DIP2B: variants seen among roughly 807,000 people sequenced by gnomAD.
DIP2B encodes disco-interacting protein 2 homolog B.
In DIP2B, 76 loss-of-function variants were observed where a neutral mutation model predicts 198.0. The observed-to-expected ratio is 0.38, with a 90% CI of 0.32 to 0.46. The LOEUF (loss-of-function observed/expected upper bound fraction) is 0.46. Ranked by LOEUF, DIP2B falls within the 20% of genes least tolerant of loss-of-function variation. The probability of loss-of-function intolerance (pLI) is 0.99; values close to 1 mark genes in which losing one functional copy is unlikely to be tolerated. For missense variants in DIP2B, 1,559 were observed against 1,978.4 expected, an observed-to-expected ratio of 0.79 and a Z score of 4.02; for synonymous variants, 701 against 739.1, an observed-to-expected ratio of 0.95 and a Z score of 0.84.
At chr12:50,511,289 C>CTTTTTTTTTTTTTTTT (rs1316212138) in intron 1 of DIP2B, among the ~76,000 whole-genome samples, 3 of 20,936 alleles carry the variant, frequency 1.4e-4, no homozygotes, top group African/African-American at 2.6e-4. Flanking sequence ...AGTGTGATTT[C>CTTTTTTTTTTTTTTTT]TATTTTTTTT....
In DIP2B at chr12:50,559,870, A is replaced by G. The variant is rs544353427; in HGVS notation, c.100+54630A>G. 3.3e-5 allele frequency among the ~76,000 whole-genome samples: 5 copies of G among 152,310 alleles called. 1 individual carries two copies. Among genetic ancestry groups the G allele is most frequent in the South Asian group, 2.1e-4 (1 of 4,828 alleles). Reference sequence around the variant, plus strand: ...CCCTTGTAGAGGGGTGAAATGTAGCACACCAAATTTAATACAACCGTTGTT... The same window carrying G: ...CCCTTGTAGAGGGGTGAAATGTAGCGCACCAAATTTAATACAACCGTTGTT... On this transcript the variant is annotated intron_variant, in intron 1 of 37. Coordinates refer to ENST00000301180, the MANE Select transcript of DIP2B (RefSeq NM_173602.3).
At chr12:50,520,729 T>C (rs1008472847) in intron 1 of DIP2B, among the ~76,000 whole-genome samples, 1 of 152,232 alleles carries the variant, frequency 6.6e-6, no homozygotes, top group African/African-American at 2.4e-5. Context: ...TGCATAAATA[T>C]TCTCATCTCC....
intron 1 of DIP2B, among the ~76,000 whole-genome samples, chr12:50,597,657 T>C (rs1356953744): frequency 6.6e-6 from 1 of 152,174 alleles, no homozygotes; most frequent in Non-Finnish European, 1.5e-5. Flanking sequence ...TGAGGGTGGC[T>C]CATGCACATT....
intron 1 of DIP2B, among the ~76,000 whole-genome samples, chr12:50,544,948 A>G (rs1958363195): frequency 6.6e-6 from 1 of 152,010 alleles, no homozygotes; most frequent in South Asian, 2.1e-4. Context: ...GAGTAGTACC[A>G]GGTGTGGTTT....
chr12:50,566,691 T>C lies in DIP2B; in HGVS notation c.101-59285T>C, dbSNP rs527689167. Among the ~76,000 whole-genome samples the C allele has an allele frequency of 7.2e-5, 11 of 152,194 alleles. No individual in the cohort carries two copies. The South Asian group carries it at 8.3e-4, about 11-fold the overall frequency. ...TGTTCTTGAAATTGAATCATATGGC[T>C]GGGCGCAGTGGCTCACACCTATAAT... On this transcript the variant is annotated intron_variant, in intron 1 of 37. Transcript: ENST00000301180.
At chr12:50,597,137 A>C (rs901893416) in intron 1 of DIP2B, among the ~76,000 whole-genome samples, 2 of 152,200 alleles carry the variant, frequency 1.3e-5, no homozygotes, top group Non-Finnish European at 2.9e-5. Flanking sequence ...TCCACTACAC[A>C]AACTCTTCTG....
intron 1 of DIP2B, among the ~76,000 whole-genome samples, chr12:50,508,291 A>G (rs911675749): frequency 1.3e-5 from 2 of 152,212 alleles, no homozygotes; most frequent in African/African-American, 4.8e-5. Flanking sequence ...TATTTCTGTG[A>G]CTGAAATTTT....
chr12:50,557,001 C>T (rs1052622970), intron 1 of DIP2B, among the ~76,000 whole-genome samples: 7 of 152,072 alleles, frequency 4.6e-5, no homozygotes, highest in Non-Finnish European at 7.3e-5. Context: ...TGAGTCACCG[C>T]GCCCGGTGCA....
chr12:50,570,406 G>A (rs947802743), intron 1 of DIP2B, among the ~76,000 whole-genome samples: 1 of 152,184 alleles, frequency 6.6e-6, no homozygotes, highest in African/African-American at 2.4e-5. Flanking sequence ...ACATTTTGGT[G>A]TATAAAGATA....
chr12:50,717,268 T>G (rs546445543), intron 23 of DIP2B, among the ~76,000 whole-genome samples: 2 of 145,018 alleles, frequency 1.4e-5, no homozygotes, highest in African/African-American at 5.1e-5. Flanking sequence ...TTTCCCTGAG[T>G]TTTTTGTTCG....
intron 1 of DIP2B, among the ~76,000 whole-genome samples, chr12:50,520,476 C>T (rs1958107633): frequency 6.6e-6 from 1 of 152,154 alleles, no homozygotes. Flanking sequence ...TATTTGACTT[C>T]CTCTCTGGTT....
At chr12:50,649,080 T>C (rs1938407989) in intron 3 of DIP2B, among the ~76,000 whole-genome samples, 1 of 152,144 alleles carries the variant, frequency 6.6e-6, no homozygotes, top group South Asian at 2.1e-4. Flanking sequence ...AAAAAAACTT[T>C]AAAACCCTGA....
chr12:50,744,326 A>G (rs1940309672), intron 37 of DIP2B, among the ~76,000 whole-genome samples: 1 of 152,018 alleles, frequency 6.6e-6, no homozygotes, highest in African/African-American at 2.4e-5. Flanking sequence ...TCCACTTTCA[A>G]ACTCCCAGGA....
intron 2 of DIP2B, among the ~76,000 whole-genome samples, chr12:50,637,299 C>T (rs573423169): frequency 2.4e-4 from 36 of 152,318 alleles, no homozygotes; most frequent in African/African-American, 7.0e-4. Flanking sequence ...GCTGCCCACT[C>T]GGCTTAGGAC....
chr12:50,722,322 C>T (rs1289830412), intron 26 of DIP2B, among the ~76,000 whole-genome samples: 3 of 151,222 alleles, frequency 2.0e-5, no homozygotes, highest in Non-Finnish European at 4.4e-5. Context: ...CCTTGCTCTG[C>T]CACCCACTGC....
intron 1 of DIP2B, among the ~76,000 whole-genome samples, chr12:50,578,353 G>T (rs12312308): frequency 0.072 from 5,960 of 82,496 alleles, 387 homozygotes; most frequent in African/African-American, 0.2. Context: ...TCTTTTTTTT[G>T]TTTGTTTGTT....
intron 1 of DIP2B, among the ~76,000 whole-genome samples, chr12:50,615,599 A>G (rs1361530993): frequency 6.6e-6 from 1 of 152,160 alleles, no homozygotes; most frequent in Non-Finnish European, 1.5e-5. Flanking sequence ...TTTTCTAGAT[A>G]ATCCTTTTAA....
At chr12:50,562,255 T>C (rs996811806) in intron 1 of DIP2B, among the ~76,000 whole-genome samples, 2 of 152,108 alleles carry the variant, frequency 1.3e-5, no homozygotes, top group African/African-American at 4.8e-5. Context: ...GATTCTAGAA[T>C]ACAGAAGGTT....
intron 37 of DIP2B, chr12:50,743,774 G>T (rs1202481714): frequency 6.6e-6 from 1 of 152,184 alleles, no homozygotes; most frequent in Non-Finnish European, 1.5e-5. Flanking sequence ...TTAATGGAAA[G>T]AATACCTGGC....
Sources: gnomAD v4.1 joint callset for allele counts (sites outside exome capture counted in the v4.1 genomes callset) on GRCh38, gnomAD v4.1.1 for gene constraint, MANE v1.5 for transcripts, NCBI Gene and HGNC (gene_info 2026-07-23, HGNC 2026-07-21) for gene names.